RALYL: variants seen among roughly 807,000 people sequenced by gnomAD.
RALYL encodes RALY RNA binding protein like, also known as RNA-binding Raly-like protein.
In RALYL, 29 loss-of-function variants were observed where a neutral mutation model predicts 35.1. The ratio of observed to expected loss-of-function variants is 0.83; its 90% CI spans 0.61 to 1.13. RALYL has a LOEUF of 1.13. RALYL is among the 50% of genes most tolerant of loss of function. The pLI is 0.00. For synonymous variants in RALYL, 120 were observed against 127.6 expected (o/e 0.94, Z 0.40); for missense variants, 359 against 360.4 (o/e 1.00, Z 0.03).
chr8:84,847,824 A>G (rs778856775), intron 4 of RALYL, among the ~76,000 whole-genome samples: 3 of 152,104 alleles, frequency 2.0e-5, no homozygotes, highest in Non-Finnish European at 2.9e-5. Flanking sequence ...GTAAGTTCTT[A>G]CTTTATATTT....
intron 4 of RALYL, among the ~76,000 whole-genome samples, chr8:84,844,679 T>C (rs1241062206): frequency 1.3e-5 from 2 of 152,172 alleles, no homozygotes; most frequent in South Asian, 2.1e-4. Context: ...TGTATGTTTA[T>C]TGCAGCACTA....
At chr8:84,786,904 T>C (rs1267115430) in intron 3 of RALYL, among the ~76,000 whole-genome samples, 1 of 152,154 alleles carries the variant, frequency 6.6e-6, no homozygotes, top group Non-Finnish European at 1.5e-5. Flanking sequence ...ATAAACATCA[T>C]GACCAAAACT....
rs1253674705 is a variant in RALYL, at chr8:84,563,662, A to G, written c.256+34085A>G. ...ATGTGCAGGAAATTGCTCCACTAGA[A>G]ATAAACCTTCTTTTCCTTACACTGT... On this transcript the variant is annotated intron_variant, in intron 2 of 8. Transcript: ENST00000521268. Among the ~76,000 whole-genome samples the G allele has an allele frequency of 2.0e-5, 3 of 151,862 alleles. No individual in the cohort carries two copies. The East Asian group carries it at 5.8e-4, about 29-fold the overall frequency.
intron 2 of RALYL, among the ~76,000 whole-genome samples, chr8:84,578,390 G>A (rs1034680371): frequency 1.3e-5 from 2 of 152,186 alleles, no homozygotes; most frequent in Admixed American, 6.5e-5. Flanking sequence ...GCTCCCAAAG[G>A]GCTGCAGCTC....
At chr8:84,808,354 T>G (rs546200302) in intron 4 of RALYL, among the ~76,000 whole-genome samples, 1 of 152,206 alleles carries the variant, frequency 6.6e-6, no homozygotes, top group Non-Finnish European at 1.5e-5. Flanking sequence ...CTCTGTTCCA[T>G]TGGTCTATGT....
At chr8:84,206,655 T>G (rs1479380068) in intron 1 of RALYL, among the ~76,000 whole-genome samples, 1 of 152,146 alleles carries the variant, frequency 6.6e-6, no homozygotes, top group Non-Finnish European at 1.5e-5. Context: ...TAGAACTATC[T>G]GAGTGGAGGT....
chr8:84,872,764 C>T (rs1047929214), intron 6 of RALYL: 2 of 152,206 alleles, frequency 1.3e-5, no homozygotes, highest in Non-Finnish European at 2.9e-5. Flanking sequence ...TTCATAGCAG[C>T]TTTGAGTGAG....
At chr8:84,311,017 G>A (rs1323120597) in intron 1 of RALYL, among the ~76,000 whole-genome samples, 10 of 108,588 alleles carry the variant, frequency 9.2e-5, no homozygotes, top group Middle Eastern at 8.5e-3. Flanking sequence ...ACTGCAGTCC[G>A]CAGTCCGACC....
intron 1 of RALYL, among the ~76,000 whole-genome samples, chr8:84,289,502 C>T (rs1221316665): frequency 1.3e-5 from 2 of 151,960 alleles, no homozygotes; most frequent in Admixed American, 1.3e-4. Flanking sequence ...TGTTTTAAAA[C>T]CAGTTGATTT....
Position 84,808,185 on chromosome 8 carries a change from C to T in RALYL, c.365+3383C>T, listed in dbSNP as rs112384219. On this transcript the variant is annotated intron_variant, in intron 4 of 8. Transcript: ENST00000521268. The stretch of plus-strand genomic sequence containing the variant: ...TTCTTGAGTTGATTTATGTATAAGA[C>T]GAGAGATGAGGATCCAGTTTCATTC... Among the ~76,000 whole-genome samples, 713 of 152,172 alleles carry T rather than the reference C, an allele frequency of 4.7e-3. 3 individuals are homozygous for T. Among genetic ancestry groups the T allele is most frequent in the Non-Finnish European group, 7.4e-3 (505 of 67,976 alleles).
intron 1 of RALYL, among the ~76,000 whole-genome samples, chr8:84,473,704 T>C (rs537497775): frequency 4.2e-4 from 64 of 151,972 alleles, no homozygotes; most frequent in African/African-American, 1.5e-3. Context: ...TCCTTTGGGT[T>C]TTCATTGGTA....
intron 2 of RALYL, among the ~76,000 whole-genome samples, chr8:84,537,296 C>T (rs908540289): frequency 6.6e-6 from 1 of 151,554 alleles, no homozygotes; most frequent in Non-Finnish European, 1.5e-5. Context: ...ATGGCAAAAC[C>T]CCATCTCTGC....
chr8:84,532,992 C>CA (rs1411907696), intron 2 of RALYL, among the ~76,000 whole-genome samples: 1 of 151,838 alleles, frequency 6.6e-6, no homozygotes, highest in Non-Finnish European at 1.5e-5. Flanking sequence ...TGTGGAAAAA[C>CA]AAAAAAGATT....
At chr8:84,613,369 A>G (rs145676961) in intron 2 of RALYL, among the ~76,000 whole-genome samples, 17 of 151,720 alleles carry the variant, frequency 1.1e-4, no homozygotes, top group African/African-American at 3.9e-4. Context: ...CATAATCACA[A>G]AATTTGGGCA....
At chr8:84,544,752 C>G (rs988390161) in intron 2 of RALYL, among the ~76,000 whole-genome samples, 1 of 152,114 alleles carries the variant, frequency 6.6e-6, no homozygotes, top group East Asian at 1.9e-4. Context: ...TTCAACTTCA[C>G]ATTTTATCAT....
intron 2 of RALYL, among the ~76,000 whole-genome samples, chr8:84,729,128 G>C (rs1029630861): frequency 2.5e-4 from 38 of 152,196 alleles, no homozygotes; most frequent in African/African-American, 3.9e-4. Flanking sequence ...TCTTCCATTT[G>C]TTTGTATCCT....
chr8:84,686,079 C>A (rs1414469451), intron 2 of RALYL, among the ~76,000 whole-genome samples: 1 of 152,156 alleles, frequency 6.6e-6, no homozygotes, highest in African/African-American at 2.4e-5. Context: ...GCATTCCCCA[C>A]ATGTTTCTCA....
At chr8:84,887,581 C>CATTTGCT in intron 7 of RALYL, 23 bp from the exon 8 acceptor site, 1 of 1,561,806 alleles carries the variant, frequency 6.4e-7, no homozygotes, top group Non-Finnish European at 8.6e-7. Context: ...AGGTAGTAGT[C>CATTTGCT]ATTTGCTTTC....
intron 1 of RALYL, among the ~76,000 whole-genome samples, chr8:84,320,802 G>A (rs1844663209): frequency 6.6e-6 from 1 of 151,888 alleles, no homozygotes; most frequent in Non-Finnish European, 1.5e-5. Context: ...CTAAAATATA[G>A]TTTTAGATTC....
Sources: gnomAD v4.1 joint callset for allele counts (sites outside exome capture counted in the v4.1 genomes callset) on GRCh38, gnomAD v4.1.1 for gene constraint, MANE v1.5 for transcripts, NCBI Gene and HGNC (gene_info 2026-07-23, HGNC 2026-07-21) for gene names.